The following PWWP3A variants were observed in gnomAD, a reference collection of about 807,000 sequenced individuals.
PWWP3A encodes the protein PWWP domain containing 3A, DNA repair factor.
PWWP3A carries 53 observed loss-of-function variants against 79.0 expected under a neutral mutation model. The ratio of observed to expected loss-of-function variants is 0.67; its 90% CI spans 0.54 to 0.84. PWWP3A has a LOEUF of 0.84. Among genes scored for constraint, PWWP3A ranks in the 40% least tolerant of loss-of-function variants. The pLI is 0.00. For missense variants in PWWP3A, 973 were observed against 948.0 expected (o/e 1.03, Z -0.35); for synonymous variants, 443 against 394.4 (o/e 1.12, Z -1.46).
In PWWP3A at chr19:1,367,218, C is replaced by T. The variant is rs779358528; in HGVS notation, c.1420C>T (p.Leu474=). The T allele has an allele frequency of 3.7e-6, 6 of 1,612,238 alleles. No individual in the cohort carries two copies. The highest frequency in any genetic ancestry group is 1.7e-6 in the Non-Finnish European group (2 of 1,179,106). Residue 474 remains leucine (L), a splice_region_variant and synonymous_variant, in exon 9 of 14, where the codon CTG becomes TTG. Transcript: ENST00000591337. ...TGATTGTAAAGAGAAACAGACGCTTCTGGTAGGTGGATGATGTTTTGTGCT... is the reference window on the plus strand; with the variant it reads ...TGATTGTAAAGAGAAACAGACGCTTTTGGTAGGTGGATGATGTTTTGTGCT... ...HFDCKEKQTL[L]NQAREDFNQD... is the part of the protein sequence containing the mutation.
chr19:1,361,578 C>T (rs775551701), intron 5 of PWWP3A, among the ~76,000 whole-genome samples: 1 of 152,186 alleles, frequency 6.6e-6, no homozygotes, highest in Non-Finnish European at 1.5e-5. Context: ...ATCTTAATTA[C>T]CACATGATCA....
chr19:1,355,848 G>T (rs905927831), intron 1 of PWWP3A, among the ~76,000 whole-genome samples: 1 of 149,372 alleles, frequency 6.7e-6, no homozygotes. Context: ...CCTTCCCATT[G>T]ATGCTGTGAA....
chr19:1,360,636 A>G lies in PWWP3A; in HGVS notation c.715A>G (p.Thr239Ala). The G allele has an allele frequency of 6.2e-7, 1 of 1,613,670 alleles. No individual in the cohort carries two copies. The highest frequency in any genetic ancestry group is 1.1e-5 in the South Asian group (1 of 91,036). Residue 239 changes from threonine to alanine, a missense_variant, in exon 5 of 14, where the codon ACG becomes GCG. Physicochemically the swap from Thr to Ala is moderately conservative, Grantham distance 58. Coordinates refer to ENST00000591337, the MANE Select transcript of PWWP3A (RefSeq NM_001369789.1). The surrounding 1 kb of genome is among the most constrained non-coding windows in gnomAD (Gnocchi z 4.4). The stretch of plus-strand genomic sequence containing the variant: ...TGGATCTTCCCTTTCAGAGGACGAC[A>G]CGGAGAGAGACATGGGGAGCAAAGG... Reference protein sequence around the residue: ...LNGSSLSEDDTERDMGSKGGS... With the variant: ...LNGSSLSEDDAERDMGSKGGS...
At chr19:1,362,607 T>A (rs2082042882) in intron 6 of PWWP3A, among the ~76,000 whole-genome samples, 1 of 152,258 alleles carries the variant, frequency 6.6e-6, no homozygotes, top group African/African-American at 2.4e-5. Flanking sequence ...GCATTACTCC[T>A]GTCACTTACC....
chr19:1,369,213 G>C lies in PWWP3A; in HGVS notation c.1423-52G>C. 6.3e-7 allele frequency: 1 copy of C among 1,581,484 alleles called. No homozygotes were observed. The highest frequency in any genetic ancestry group is 8.7e-7 in the Non-Finnish European group (1 of 1,152,338). ...GGGCTCTGCGTGGCTTCTGAACCCAGGGTGCTTGGCACTGCCTCCCACTGA... is the reference window on the plus strand; with the variant it reads ...GGGCTCTGCGTGGCTTCTGAACCCACGGTGCTTGGCACTGCCTCCCACTGA... On this transcript the variant is annotated intron_variant, in intron 9 of 13. Coordinates refer to ENST00000591337, the MANE Select transcript of PWWP3A (RefSeq NM_001369789.1). The surrounding 1 kb of genome is among the most constrained non-coding windows in gnomAD (Gnocchi z 4.0).
intron 9 of PWWP3A, among the ~76,000 whole-genome samples, chr19:1,367,841 C>T (rs78852175): frequency 0.022 from 3,386 of 152,292 alleles, 130 homozygotes; most frequent in African/African-American, 0.078. Flanking sequence ...AGCACCAACA[C>T]GTCAACTCAG....
At chr19:1,374,562 C>T (rs911952534) in intron 13 of PWWP3A, among the ~76,000 whole-genome samples, 8 of 152,136 alleles carry the variant, frequency 5.3e-5, no homozygotes, top group Non-Finnish European at 8.8e-5. Context: ...GTGCTGCGGC[C>T]GGTGTGCTCT....
At chr19:1,367,646 C>T (rs996006465) in intron 9 of PWWP3A, among the ~76,000 whole-genome samples, 2 of 152,226 alleles carry the variant, frequency 1.3e-5, no homozygotes, top group Non-Finnish European at 2.9e-5. Flanking sequence ...GCCCTGTGGG[C>T]GCTCAAGTGC....
At chr19:1,363,695 T>A (rs578103299) in intron 6 of PWWP3A, among the ~76,000 whole-genome samples, 121 of 152,294 alleles carry the variant, frequency 7.9e-4, no homozygotes, top group Non-Finnish European at 1.2e-3. Flanking sequence ...GAATTGATTG[T>A]TTGTCCACGT....
rs1011357752 is a variant in PWWP3A at position 1,368,379 on chromosome 19, C to T, written c.1423-886C>T. ...CTTCTTCTTCCTAAGAGTGCGCTCACATCTGCTTGTGAGTCAGGTATGTGG... is the reference window on the plus strand; with the variant it reads ...CTTCTTCTTCCTAAGAGTGCGCTCATATCTGCTTGTGAGTCAGGTATGTGG... On this transcript the variant is annotated intron_variant, in intron 9 of 13. Coordinates refer to ENST00000591337, the MANE Select transcript of PWWP3A (RefSeq NM_001369789.1). This position sits in a 1 kb window ranked among gnomAD's most constrained non-coding sequence, Gnocchi z 4.7. Among the ~76,000 whole-genome samples, 3 of 152,180 alleles carry T rather than the reference C, an allele frequency of 2.0e-5. No homozygotes were observed. The highest frequency in any genetic ancestry group is 4.4e-5 in the Non-Finnish European group (3 of 68,034).
chr19:1,361,521 C>T (rs892370383), intron 5 of PWWP3A, among the ~76,000 whole-genome samples: 3 of 152,306 alleles, frequency 2.0e-5, no homozygotes, highest in Non-Finnish European at 1.5e-5. Flanking sequence ...TGACTTTTTT[C>T]CTTTTAACAC....
intron 13 of PWWP3A, among the ~76,000 whole-genome samples, chr19:1,375,692 AAAC>A (rs1433752540): frequency 3.7e-5 from 5 of 135,902 alleles, no homozygotes; most frequent in African/African-American, 1.4e-4. Context: ...ATAATATATA[AAAC>A]AATTTAATAT....
intron 7 of PWWP3A, among the ~76,000 whole-genome samples, chr19:1,365,238 A>G (rs1039651843): frequency 6.6e-6 from 1 of 152,256 alleles, no homozygotes; most frequent in Admixed American, 6.5e-5. Flanking sequence ...CATGTGTACA[A>G]ACAGGAATTC....
At chr19:1,376,302 T>G (rs1278477420) in intron 13 of PWWP3A, among the ~76,000 whole-genome samples, 15 of 96,124 alleles carry the variant, frequency 1.6e-4, no homozygotes, top group Admixed American at 5.1e-4. Flanking sequence ...TTTGTTTTTT[T>G]TTTTGTTTGT....
Position 1,373,063 on chromosome 19 carries a change from C to T in PWWP3A, c.1987-9C>T, listed in dbSNP as rs775608768. 10 of 1,613,914 alleles carry T rather than the reference C, an allele frequency of 6.2e-6. No homozygotes were observed. Among genetic ancestry groups the T allele is most frequent in the Non-Finnish European group, 7.6e-6 (9 of 1,179,876 alleles). On this transcript the variant is annotated splice_polypyrimidine_tract_variant and intron_variant, in intron 12 of 13. Coordinates refer to ENST00000591337, the MANE Select transcript of PWWP3A (RefSeq NM_001369789.1). ...GCCTGCTGCTATTGAGCCCCGTGCC[C>T]TCTCACAGGCCATCATCTGTGCGAT...
chr19:1,357,244 A>C, intron 3 of PWWP3A, 150 bp downstream of exon 3: 1 of 586,764 alleles, frequency 1.7e-6, no homozygotes, highest in Non-Finnish European at 3.0e-6. Context: ...TAATAACCTC[A>C]TGAGAAAGCA....
At chr19:1,362,064 T>A in intron 5 of PWWP3A, 186 bp from the exon 6 acceptor site, 2 of 416,782 alleles carry the variant, frequency 4.8e-6, no homozygotes, top group Admixed American at 4.1e-5. Context: ...TCCTTCCCTC[T>A]TGCGTTTTTC....
At position 1,371,064 on chromosome 19, in the gene PWWP3A, G is replaced by A. The variant is rs967539074; in HGVS notation, c.1972G>A (p.Val658Met). 2.6e-6 allele frequency: 4 copies of A among 1,565,260 alleles called. No homozygotes were observed. The highest frequency in any genetic ancestry group is 1.4e-5 in the African/African-American group (1 of 73,796). The change falls in exon 12 of 14, where the codon GTG becomes ATG. Residue 658 changes from valine to methionine, a missense_variant. Coordinates refer to ENST00000591337, the MANE Select transcript of PWWP3A (RefSeq NM_001369789.1). ...CGACCGGATCCGGTTCATTCTGGAC[G>A]TGCTTCTGCCCGAGGTGAGCCGCGG... is the stretch of plus-strand genomic sequence containing the variant. ...NGDRIRFILDVLLPEAIICAI... is the reference protein window; with the variant it reads ...NGDRIRFILDMLLPEAIICAI...
At chr19:1,361,733 G>A (rs1259290033) in intron 5 of PWWP3A, among the ~76,000 whole-genome samples, 2 of 146,924 alleles carry the variant, frequency 1.4e-5, no homozygotes, top group African/African-American at 5.5e-5. Flanking sequence ...CAAAGTGACC[G>A]CACCCCTACC....
Sources: gnomAD v4.1 joint callset for allele counts (sites outside exome capture counted in the v4.1 genomes callset) on GRCh38, gnomAD v4.1.1 for gene constraint, Gnocchi (gnomAD v3.1) non-coding constraint, MANE v1.5 for transcripts, NCBI Gene and HGNC (gene_info 2026-07-23, HGNC 2026-07-21) for gene names.